CELF6: variants seen among roughly 807,000 people sequenced by gnomAD.
CELF6 encodes the protein CUGBP Elav-like family member 6.
Under a neutral mutation model 53.1 loss-of-function variants are expected in CELF6, and 32 were observed. The observed-to-expected ratio is 0.60, with a 90% CI of 0.46 to 0.81. The LOEUF (loss-of-function observed/expected upper bound fraction) is 0.81. CELF6 is among the 30% of genes least tolerant of loss of function. The pLI is 0.00. For synonymous variants in CELF6, 291 were observed against 288.8 expected, an observed-to-expected ratio of 1.01 and a Z score of -0.08; for missense variants, 539 against 669.5, an observed-to-expected ratio of 0.81 and a Z score of 2.15.
intron 2 of CELF6, among the ~76,000 whole-genome samples, chr15:72,311,932 C>G (rs1180432206): frequency 6.6e-6 from 1 of 152,222 alleles, no homozygotes; most frequent in Non-Finnish European, 1.5e-5. Context: ...GCCCTCTCTA[C>G]CCAAGCTGTT....
intron 3 of CELF6, among the ~76,000 whole-genome samples, chr15:72,298,598 G>A (rs1225611896): frequency 6.6e-6 from 1 of 152,234 alleles, no homozygotes; most frequent in African/African-American, 2.4e-5. Flanking sequence ...AAGTTGAGAA[G>A]TGGAACAAGC....
chr15:72,292,370 G>C, intron 3 of CELF6: 1 of 753,582 alleles, frequency 1.3e-6, no homozygotes, highest in Admixed American at 2.6e-5. Flanking sequence ...AACCCCGAAA[G>C]ACCATGCCAT....
chr15:72,295,047 T>C (rs2088059723), intron 3 of CELF6, among the ~76,000 whole-genome samples: 1 of 140,440 alleles, frequency 7.1e-6, no homozygotes, highest in African/African-American at 2.6e-5. Context: ...AATAAAACAC[T>C]TGGAGGCCGG....
intron 3 of CELF6, among the ~76,000 whole-genome samples, chr15:72,290,588 G>A (rs369534106): frequency 1.3e-5 from 2 of 152,296 alleles, no homozygotes; most frequent in East Asian, 1.9e-4. Context: ...TGACCTTTCT[G>A]TTCTTAGAGG....
chr15:72,314,983 A>T (rs1462072557), intron 2 of CELF6, among the ~76,000 whole-genome samples: 1 of 151,600 alleles, frequency 6.6e-6, no homozygotes, highest in African/African-American at 2.4e-5. Flanking sequence ...AATCATCCCA[A>T]CTCTTCCAAA....
Position 72,290,107 on chromosome 15 carries a change from C to T in CELF6, c.523+20G>A. ...AGTGAGGAAGGGTCACCAGGAAATC[C>T]CGGGGTCAGCTCAGGTCACCTTTAC... On this transcript the variant is annotated intron_variant, in intron 4 of 12. Coordinates refer to ENST00000287202, the MANE Select transcript of CELF6 (RefSeq NM_052840.5). 1 of 1,613,214 alleles carries T rather than the reference C, an allele frequency of 6.2e-7. No individual in the cohort carries two copies. Among genetic ancestry groups the T allele is most frequent in the South Asian group, 1.1e-5 (1 of 91,056 alleles).
At position 72,319,239 on chromosome 15, in the gene CELF6, G is replaced by A. The variant is rs1447708024; in HGVS notation, c.262+374C>T. Among the ~76,000 whole-genome samples the A allele has an allele frequency of 6.6e-6, 1 of 152,102 alleles. No individual in the cohort carries two copies. Among genetic ancestry groups the A allele is most frequent in the Non-Finnish European group, 1.5e-5 (1 of 68,026 alleles). ...AGATGGAGGATTCAGGAGTGTTTGG[G>A]CTCAGGGTTTGGGAAATTGAGGGTA... On this transcript the variant is annotated intron_variant, in intron 1 of 12. Transcript: ENST00000287202. The surrounding 1 kb of genome is among the most constrained non-coding windows in gnomAD (Gnocchi z 5.0).
chr15:72,306,564 A>AAAG (rs2088233639), intron 2 of CELF6, among the ~76,000 whole-genome samples: 1 of 151,252 alleles, frequency 6.6e-6, no homozygotes. Context: ...TAAAAAAAAA[A>AAAG]AAAAAAAAGG....
At chr15:72,314,713 G>C (rs1481684435) in intron 2 of CELF6, among the ~76,000 whole-genome samples, 5 of 149,592 alleles carry the variant, frequency 3.3e-5, no homozygotes, top group Admixed American at 2.7e-4. Context: ...TCTTGCCTCA[G>C]CCTTCCAAGT....
At chr15:72,287,912 A>G (rs1437305198) in intron 11 of CELF6, among the ~76,000 whole-genome samples, 1 of 149,830 alleles carries the variant, frequency 6.7e-6, no homozygotes, top group Non-Finnish European at 1.5e-5. Context: ...ATCACAATTC[A>G]CTGCAAACTT....
intron 11 of CELF6, 52 bp from the exon 12 acceptor site, chr15:72,287,444 C>A (rs770780248): frequency 3.7e-6 from 6 of 1,606,466 alleles, no homozygotes; most frequent in Non-Finnish European, 5.1e-6. Context: ...AGCAGGGCCT[C>A]CTTTCTCTCT....
At chr15:72,293,184 C>T (rs2088029129) in intron 3 of CELF6, among the ~76,000 whole-genome samples, 1 of 152,158 alleles carries the variant, frequency 6.6e-6, no homozygotes, top group Non-Finnish European at 1.5e-5. Flanking sequence ...ATCCTCTTTG[C>T]CACTTTACAG....
At chr15:72,293,462 C>T (rs370436568) in intron 3 of CELF6, among the ~76,000 whole-genome samples, 13 of 152,084 alleles carry the variant, frequency 8.5e-5, no homozygotes, top group Admixed American at 2.0e-4. Context: ...AAAAAGCGGA[C>T]GCTACAAGAG....
In CELF6 at chr15:72,289,610, A is replaced by G. The variant is rs767354634; in HGVS notation, c.747+17T>C. On this transcript the variant is annotated intron_variant, in intron 6 of 12. Coordinates refer to ENST00000287202, the MANE Select transcript of CELF6 (RefSeq NM_052840.5). The surrounding 1 kb of genome is among the most constrained non-coding windows in gnomAD (Gnocchi z 7.6). Reference sequence around the variant, plus strand: ...CACCCACCTGCGCGCCCTCGCACGCAGGTGCCCGGTACCTACCGCCGTGGT... The same window carrying G: ...CACCCACCTGCGCGCCCTCGCACGCGGGTGCCCGGTACCTACCGCCGTGGT... 32 of 1,491,538 alleles carry G rather than the reference A, an allele frequency of 2.1e-5. No homozygotes were observed. Among genetic ancestry groups the G allele is most frequent in the Non-Finnish European group, 2.5e-5 (28 of 1,128,894 alleles). The allele number at this position is 1,491,538 out of a possible 1,614,324, so 92.4% of individuals were successfully genotyped here.
chr15:72,295,030 C>T (rs1018088773), intron 3 of CELF6, among the ~76,000 whole-genome samples: 3 of 143,026 alleles, frequency 2.1e-5, no homozygotes, highest in African/African-American at 7.8e-5. Context: ...GCAATAGCAT[C>T]GAAAAGAATA....
chr15:72,300,383 TAAAC>T (rs2141194967), intron 3 of CELF6, among the ~76,000 whole-genome samples: 1 of 144,800 alleles, frequency 6.9e-6, no homozygotes, highest in South Asian at 2.2e-4. Context: ...AAAAAGTAAA[TAAAC>T]AGACAAATCA....
intron 3 of CELF6, among the ~76,000 whole-genome samples, chr15:72,293,695 CTTTT>C (rs34917839): frequency 8.5e-5 from 11 of 128,776 alleles, no homozygotes; most frequent in Admixed American, 7.8e-5. Context: ...CTATCAAATG[CTTTT>C]TTTTTTTTTT....
At chr15:72,313,266 T>G (rs1273354424) in intron 2 of CELF6, among the ~76,000 whole-genome samples, 1 of 152,214 alleles carries the variant, frequency 6.6e-6, no homozygotes, top group Non-Finnish European at 1.5e-5. Context: ...TCTTATGACT[T>G]AGTTTTCTCA....
In CELF6 at chr15:72,319,531, G is replaced by T; in HGVS notation, c.262+82C>A. On this transcript the variant is annotated intron_variant, in intron 1 of 12. Transcript: ENST00000287202. This position sits in a 1 kb window ranked among gnomAD's most constrained non-coding sequence, Gnocchi z 5.0. ...ACTGGTGTTGGACTGGCTCTCGGCAGGGCTAGGGCTGGGGCTGGGCTGGGG... is the reference window on the plus strand; with the variant it reads ...ACTGGTGTTGGACTGGCTCTCGGCATGGCTAGGGCTGGGGCTGGGCTGGGG... 6.9e-7 allele frequency: 1 copy of T among 1,444,208 alleles called. No individual in the cohort carries two copies. Among genetic ancestry groups the T allele is most frequent in the Non-Finnish European group, 9.2e-7 (1 of 1,083,964 alleles). The allele number at this position is 1,444,208 out of a possible 1,614,324, so 89.5% of individuals were successfully genotyped here.
Sources: allele counts gnomAD v4.1 joint callset (sites outside exome capture counted in the v4.1 genomes callset), GRCh38; gene constraint gnomAD v4.1.1; non-coding constraint Gnocchi (gnomAD v3.1); transcripts MANE v1.5; gene names NCBI Gene and HGNC (gene_info 2026-07-23, HGNC 2026-07-21).